Variants in DMD observed in about 807,000 individuals in gnomAD.
DMD encodes dystrophin, also known as mutant dystrophin.
DMD carries 63 observed loss-of-function variants against 330.1 expected under a neutral mutation model. That is an observed-to-expected ratio of 0.19 (90% CI 0.16 to 0.24). The LOEUF is 0.24. Ranked by LOEUF, DMD falls within the 10% of genes least tolerant of loss-of-function variation. The pLI is 1.00. For synonymous variants in DMD, 1,223 were observed against 959.8 expected (o/e 1.27, Z -5.07); for missense variants, 3,344 against 2,684.1 (o/e 1.25, Z -5.43).
chrX:32,096,094 C>T (rs1433684783), intron 44 of DMD, among the ~76,000 whole-genome samples: 1 of 111,724 alleles, frequency 9.0e-6, no homozygotes, highest in Non-Finnish European at 1.9e-5. Flanking sequence ...AGCATGATCC[C>T]TGACATGTGT....
chrX:31,428,309 C>T (rs1401943501), intron 60 of DMD, among the ~76,000 whole-genome samples: 1 of 110,404 alleles, frequency 9.1e-6, no homozygotes, highest in Non-Finnish European at 1.9e-5. Flanking sequence ...GTGGCACCTC[C>T]CACCCCCTCA....
chrX:32,035,558 G>T (rs1232558397), intron 44 of DMD: 5 of 310,146 alleles, frequency 1.6e-5, no homozygotes, highest in African/African-American at 2.7e-5. Context: ...TTCCTTAAGA[G>T]CTATAATAGC....
intron 1 of DMD, among the ~76,000 whole-genome samples, chrX:33,042,055 TTAATGTACCTC>T (rs2094310606): frequency 9.0e-6 from 1 of 111,434 alleles, no homozygotes; most frequent in South Asian, 3.7e-4. Flanking sequence ...TTTGTTCTTT[TTAATGTACCTC>T]TATGCCTCTC....
Position 32,362,784 on chromosome X carries a change from C to G in DMD, c.5325+4G>C. 1.7e-6 allele frequency: 2 copies of G among 1,210,694 alleles called. No individual in the cohort carries two copies. Among genetic ancestry groups the G allele is most frequent in the South Asian group, 1.8e-5 (1 of 56,961 alleles). Reference sequence around the variant, plus strand: ...AGTTTCCACCTTGGAGTAGATCTTCCTACCTTTCCAGTCTTAATTCTGTGT... The same window carrying G: ...AGTTTCCACCTTGGAGTAGATCTTCGTACCTTTCCAGTCTTAATTCTGTGT... On this transcript the variant is annotated splice_donor_region_variant and intron_variant, in intron 37 of 78. Coordinates refer to ENST00000357033, the MANE Select transcript of DMD (RefSeq NM_004006.3).
At chrX:33,308,622 A>G (rs1031364607) in intron 1 of DMD, among the ~76,000 whole-genome samples, 7 of 111,597 alleles carry the variant, frequency 6.3e-5, no homozygotes, top group South Asian at 7.5e-4. Flanking sequence ...CCTCTCCCCA[A>G]TTGAGTGTTT....
At chrX:32,581,435 G>A (rs1194853933) in intron 13 of DMD, among the ~76,000 whole-genome samples, 2 of 111,564 alleles carry the variant, frequency 1.8e-5, no homozygotes, top group Non-Finnish European at 3.8e-5. Context: ...CTTAGTTCAT[G>A]TCACATTTTT....
chrX:31,719,485 G>C (rs2085309594), intron 52 of DMD, among the ~76,000 whole-genome samples: 1 of 111,637 alleles, frequency 9.0e-6, no homozygotes, highest in Admixed American at 9.5e-5. Context: ...TTTCCATGTG[G>C]AGCCAGGCTG....
chrX:32,148,753 T>C (rs1422690409), intron 44 of DMD, among the ~76,000 whole-genome samples: 2 of 111,989 alleles, frequency 1.8e-5, no homozygotes. Flanking sequence ...TCTAGAAGTA[T>C]ATTTTGAAAT....
intron 7 of DMD, among the ~76,000 whole-genome samples, chrX:32,742,051 C>G (rs1755735067): frequency 1.8e-5 from 2 of 111,357 alleles, no homozygotes. Context: ...TTGACTCAAT[C>G]CCAACTAATG....
At chrX:31,611,876 T>C (rs1287514906) in intron 55 of DMD, among the ~76,000 whole-genome samples, 1 of 111,327 alleles carries the variant, frequency 9.0e-6, no homozygotes, top group Admixed American at 9.6e-5. Flanking sequence ...GCCTTTAAAT[T>C]TTTTTTATGG....
chrX:33,166,273 C>T (rs1464528695), intron 1 of DMD, among the ~76,000 whole-genome samples: 3 of 110,680 alleles, frequency 2.7e-5, no homozygotes, highest in African/African-American at 9.8e-5. Context: ...AGTAATTTAA[C>T]AGGAATGATA....
At chrX:31,424,190 C>T (rs12006623) in intron 60 of DMD, among the ~76,000 whole-genome samples, 26,133 of 110,782 alleles carry the variant, frequency 0.24, 3,589 homozygotes, top group African/African-American at 0.5. Context: ...TAGGAAAATG[C>T]CGTCATTACA....
intron 11 of DMD, among the ~76,000 whole-genome samples, chrX:32,617,308 G>T (rs1476166261): frequency 9.0e-6 from 1 of 111,511 alleles, no homozygotes; most frequent in African/African-American, 3.3e-5. Context: ...TAAGGTCAAA[G>T]TACGCAACTA....
chrX:33,032,094 A>G (rs965314547), intron 1 of DMD, among the ~76,000 whole-genome samples: 2 of 111,658 alleles, frequency 1.8e-5, no homozygotes, highest in African/African-American at 6.5e-5. Flanking sequence ...CCATGGGTGG[A>G]TTACACATCC....
intron 62 of DMD, among the ~76,000 whole-genome samples, chrX:31,284,669 CA>C (rs1349482537): frequency 9.5e-6 from 1 of 105,757 alleles, no homozygotes; most frequent in Non-Finnish European, 1.9e-5. Flanking sequence ...CTGCTGGCCT[CA>C]AGCAATGCTC....
intron 63 of DMD, among the ~76,000 whole-genome samples, chrX:31,223,650 T>C (rs925133881): frequency 4.5e-5 from 5 of 111,785 alleles, no homozygotes; most frequent in African/African-American, 1.3e-4. Flanking sequence ...AACTCAAAAA[T>C]AGGCACAACT....
chrX:32,738,381 A>G (rs1469658491), intron 7 of DMD, among the ~76,000 whole-genome samples: 2 of 111,578 alleles, frequency 1.8e-5, no homozygotes, highest in East Asian at 5.6e-4. Context: ...TCCAATCTCT[A>G]CTTCCTATTA....
intron 7 of DMD, chrX:32,756,189 C>G (rs752690930): frequency 1.8e-5 from 2 of 112,048 alleles, no homozygotes; most frequent in African/African-American, 6.5e-5. Flanking sequence ...TCCGGCTCAA[C>G]AAGAAATTCA....
intron 2 of DMD, among the ~76,000 whole-genome samples, chrX:32,899,768 T>G (rs1452166942): frequency 9.0e-6 from 1 of 111,527 alleles, no homozygotes. Flanking sequence ...CTTATATTGG[T>G]TCTGGTATAA....
Sources: allele counts gnomAD v4.1 joint callset (sites outside exome capture counted in the v4.1 genomes callset), GRCh38; gene constraint gnomAD v4.1.1; transcripts MANE v1.5; gene names NCBI Gene and HGNC (gene_info 2026-07-23, HGNC 2026-07-21).